Variants in EXOC4 observed in about 807,000 individuals in gnomAD.
EXOC4 encodes the protein SEC8-like 1.
EXOC4 carries 71 observed loss-of-function variants against 107.2 expected under a neutral mutation model. That is an observed-to-expected ratio of 0.66 (90% CI 0.55 to 0.81). The LOEUF is 0.81. Ranked by LOEUF, EXOC4 falls within the 30% of genes least tolerant of loss-of-function variation. The pLI, the probability that EXOC4 is intolerant of heterozygous loss-of-function variation, is 0.00. For synonymous variants in EXOC4, 456 were observed against 441.2 expected, an observed-to-expected ratio of 1.03 and a Z score of -0.42; for missense variants, 1,108 against 1,189.6, an observed-to-expected ratio of 0.93 and a Z score of 1.01.
chr7:133,839,930 A>G (rs1216364521), intron 11 of EXOC4, among the ~76,000 whole-genome samples: 1 of 152,164 alleles, frequency 6.6e-6, no homozygotes, highest in Non-Finnish European at 1.5e-5. Context: ...CCTGCCCTCA[A>G]GTTTATTAGA....
chr7:134,055,800 G>A (rs533312237), intron 17 of EXOC4, among the ~76,000 whole-genome samples: 1 of 151,942 alleles, frequency 6.6e-6, no homozygotes, highest in East Asian at 1.9e-4. Flanking sequence ...TCATGCCTTG[G>A]GTATTTTTGG....
intron 14 of EXOC4, among the ~76,000 whole-genome samples, chr7:133,943,648 C>T (rs1177257765): frequency 6.6e-6 from 1 of 152,090 alleles, no homozygotes; most frequent in African/African-American, 2.4e-5. Flanking sequence ...TCTCCCGGCA[C>T]CATCAGGCTC....
intron 7 of EXOC4, among the ~76,000 whole-genome samples, chr7:133,386,414 A>G (rs892982794): frequency 1.3e-5 from 2 of 152,056 alleles, no homozygotes; most frequent in Non-Finnish European, 2.9e-5. Context: ...TCTTGCTTTT[A>G]TGAAGTGGCT....
chr7:134,032,906 TATA>T (rs528097558), intron 17 of EXOC4, among the ~76,000 whole-genome samples: 39 of 152,344 alleles, frequency 2.6e-4, no homozygotes, highest in African/African-American at 9.1e-4. Context: ...CTCAATTAGC[TATA>T]ATATTTTTAA....
chr7:133,613,604 C>CA (rs199537076), intron 9 of EXOC4, among the ~76,000 whole-genome samples: 3,593 of 135,258 alleles, frequency 0.027, 136 homozygotes, highest in African/African-American at 0.089. Flanking sequence ...CATGACATTA[C>CA]AAAAAAAAAA....
intron 7 of EXOC4, among the ~76,000 whole-genome samples, chr7:133,419,179 A>T (rs945002908): frequency 6.6e-6 from 1 of 152,148 alleles, no homozygotes; most frequent in Non-Finnish European, 1.5e-5. Context: ...AGGTGGTTTC[A>T]ATTTGAGAGA....
intron 10 of EXOC4, among the ~76,000 whole-genome samples, chr7:133,674,308 C>G (rs760735225): frequency 6.6e-6 from 1 of 152,126 alleles, no homozygotes; most frequent in Non-Finnish European, 1.5e-5. Flanking sequence ...GTGGGCTTTA[C>G]TATAAAACAA....
At chr7:133,538,872 A>AGAGAGAGAGG (rs1800326314) in intron 9 of EXOC4, among the ~76,000 whole-genome samples, 1 of 114,194 alleles carries the variant, frequency 8.8e-6, no homozygotes, top group African/African-American at 3.3e-5. Context: ...AGAGAGAGAG[A>AGAGAGAGAGG]GAGAGAGAGA....
Position 133,763,205 on chromosome 7 carries a change from C to G in EXOC4, c.1515-54120C>G, listed in dbSNP as rs574508895. ...CAACATGTATCCATTGCTACTCCCC[C>G]CTGCCACAGCCTCTGCTTCCAGGGT... On this transcript the variant is annotated intron_variant, in intron 10 of 17. Coordinates refer to ENST00000253861, the MANE Select transcript of EXOC4 (RefSeq NM_021807.4). Among the ~76,000 whole-genome samples the G allele has an allele frequency of 1.1e-4, 16 of 152,192 alleles. No individual in the cohort carries two copies. In the East Asian group the frequency reaches 2.1e-3, roughly 20 times the overall value.
Position 133,786,002 on chromosome 7 carries a change from AC to A in EXOC4, c.1515-31322del, listed in dbSNP as rs1471031901. Among the ~76,000 whole-genome samples, 7 of 152,192 alleles carry A rather than the reference AC, an allele frequency of 4.6e-5. 1 individual carries two copies. The highest frequency in any genetic ancestry group is 1.7e-4 in the African/African-American group (7 of 41,456). On this transcript the variant is annotated intron_variant, in intron 10 of 17. Coordinates refer to ENST00000253861, the MANE Select transcript of EXOC4 (RefSeq NM_021807.4). ...ACACATGTTTTATTTCCTTGGTTTC[AC>A]TTTAGAAACTTTGAAAAATATTCTT...
the EXOC4 span, among the ~76,000 whole-genome samples, chr7:134,094,670 G>A: frequency 5.7e-4 from 86 of 151,496 alleles, no homozygotes; most frequent in South Asian, 6.9e-3. Flanking sequence ...ATCCTCAAAC[G>A]CCAATCATTA....
chr7:133,364,304 T>C (rs1047113639), intron 6 of EXOC4, among the ~76,000 whole-genome samples: 3 of 150,930 alleles, frequency 2.0e-5, no homozygotes, highest in Non-Finnish European at 3.0e-5. Flanking sequence ...CTATTTAAAG[T>C]ATTTTTTTTT....
chr7:133,827,650 G>C (rs1389272155), intron 11 of EXOC4, among the ~76,000 whole-genome samples: 1 of 152,096 alleles, frequency 6.6e-6, no homozygotes, highest in African/African-American at 2.4e-5. Context: ...CCATTATTCT[G>C]AATGTTTTCT....
chr7:133,763,794 G>A (rs902000831), intron 10 of EXOC4, among the ~76,000 whole-genome samples: 2 of 151,610 alleles, frequency 1.3e-5, no homozygotes, highest in African/African-American at 4.8e-5. Flanking sequence ...AATTTACTAG[G>A]GAAACTTGCG....
intron 7 of EXOC4, among the ~76,000 whole-genome samples, chr7:133,430,341 A>G (rs1331654738): frequency 1.3e-5 from 2 of 152,074 alleles, no homozygotes; most frequent in East Asian, 3.9e-4. Flanking sequence ...GTGGTTTTGG[A>G]AAAAGCAACA....
intron 2 of EXOC4, among the ~76,000 whole-genome samples, chr7:133,277,893 A>G (rs2150528402): frequency 6.6e-6 from 1 of 152,276 alleles, no homozygotes; most frequent in Admixed American, 6.5e-5. Flanking sequence ...TTTTAATTAC[A>G]CTTTGGATTA....
chr7:133,570,742 G>A (rs976092654), intron 9 of EXOC4, among the ~76,000 whole-genome samples: 1 of 152,172 alleles, frequency 6.6e-6, no homozygotes, highest in South Asian at 2.1e-4. Flanking sequence ...ATGGTTTTTC[G>A]CATTCTAGAA....
intron 9 of EXOC4, among the ~76,000 whole-genome samples, chr7:133,598,255 G>A (rs1287662660): frequency 1.3e-5 from 2 of 152,190 alleles, no homozygotes; most frequent in African/African-American, 4.8e-5. Context: ...ACAGCTAACA[G>A]TTTCTGCTGC....
At chr7:133,989,110 A>G (rs1049617382) in intron 14 of EXOC4, among the ~76,000 whole-genome samples, 9 of 152,230 alleles carry the variant, frequency 5.9e-5, no homozygotes, top group Non-Finnish European at 1.0e-4. Context: ...AGAAAAGAAA[A>G]AATAAATATT....
Sources: allele counts gnomAD v4.1 joint callset (sites outside exome capture counted in the v4.1 genomes callset), GRCh38; gene constraint gnomAD v4.1.1; transcripts MANE v1.5; gene names NCBI Gene and HGNC (gene_info 2026-07-23, HGNC 2026-07-21).